ARHGAP22: variants seen among roughly 807,000 people sequenced by gnomAD.
ARHGAP22 encodes the protein rho GTPase-activating protein 22.
A neutral mutation model predicts 59.1 loss-of-function variants in ARHGAP22; 48 were observed. The ratio of observed to expected loss-of-function variants is 0.81; its 90% CI spans 0.64 to 1.03. ARHGAP22 has a LOEUF of 1.03. Ranked by LOEUF, ARHGAP22 falls within the 50% of genes least tolerant of loss-of-function variation. ARHGAP22 has a pLI of 0.00. For synonymous variants in ARHGAP22, 445 were observed against 416.4 expected (o/e 1.07, Z -0.84); for missense variants, 1,015 against 958.7 (o/e 1.06, Z -0.78).
chr10:48,626,438 C>A (rs2061451814), intron 1 of ARHGAP22, among the ~76,000 whole-genome samples: 1 of 152,188 alleles, frequency 6.6e-6, no homozygotes, highest in African/African-American at 2.4e-5. Context: ...GTGCTGAAAT[C>A]CAGTAAGCTG....
chr10:48,508,448 G>A (rs1055801903), intron 3 of ARHGAP22, among the ~76,000 whole-genome samples: 1 of 152,240 alleles, frequency 6.6e-6, no homozygotes, highest in Non-Finnish European at 1.5e-5. Context: ...TTTCCCACCC[G>A]GGAGGGGGTC....
chr10:48,648,304 A>G (rs2377595), intron 1 of ARHGAP22, among the ~76,000 whole-genome samples: 83,769 of 151,948 alleles, frequency 0.55, 23,765 homozygotes, highest in African/African-American at 0.68. Flanking sequence ...CAATTACTGC[A>G]GTCATTAAAA....
chr10:48,569,989 T>C (rs1177746713), intron 2 of ARHGAP22, among the ~76,000 whole-genome samples: 2 of 152,234 alleles, frequency 1.3e-5, no homozygotes, highest in African/African-American at 4.8e-5. Context: ...CAGGATGGTA[T>C]AAAACAAACC....
chr10:48,440,907 A>T, the ARHGAP22 span, among the ~76,000 whole-genome samples: 1 of 152,230 alleles, frequency 6.6e-6, no homozygotes, highest in Non-Finnish European at 1.5e-5. Flanking sequence ...ATGTATTGCC[A>T]TGACATAGGT....
the ARHGAP22 span, chr10:48,439,187 C>G: frequency 6.6e-6 from 1 of 151,356 alleles, no homozygotes; most frequent in Non-Finnish European, 1.5e-5. Flanking sequence ...TTCCTCTAGA[C>G]AAAACAAAAT....
intron 1 of ARHGAP22, among the ~76,000 whole-genome samples, chr10:48,633,075 C>A (rs1360644327): frequency 6.6e-6 from 1 of 152,204 alleles, no homozygotes; most frequent in Non-Finnish European, 1.5e-5. Flanking sequence ...AGAGCATGAG[C>A]TCCAGAAGGT....
At chr10:48,530,304 CTG>C (rs1294993849) in intron 3 of ARHGAP22, among the ~76,000 whole-genome samples, 2 of 140,882 alleles carry the variant, frequency 1.4e-5, no homozygotes, top group African/African-American at 5.2e-5. Flanking sequence ...AGACCTGAAA[CTG>C]TAAAAATTCT....
chr10:48,535,383 G>C (rs955297603), intron 3 of ARHGAP22, among the ~76,000 whole-genome samples: 10 of 152,196 alleles, frequency 6.6e-5, no homozygotes, highest in African/African-American at 2.2e-4. Flanking sequence ...AGGGACCCAG[G>C]CTCCTTCTAG....
At chr10:48,577,950 A>T (rs990491463) in intron 2 of ARHGAP22, among the ~76,000 whole-genome samples, 1 of 151,770 alleles carries the variant, frequency 6.6e-6, no homozygotes, top group East Asian at 1.9e-4. Context: ...CTGGGATTAC[A>T]GGCATGTGCC....
chr10:48,575,006 C>T (rs2135525943), intron 2 of ARHGAP22: 1 of 152,324 alleles, frequency 6.6e-6, no homozygotes, highest in East Asian at 1.9e-4. Context: ...GGCGGTTTCT[C>T]TTGAGTGGTT....
At chr10:48,593,576 C>T (rs138467648) in intron 1 of ARHGAP22, among the ~76,000 whole-genome samples, 146 of 152,344 alleles carry the variant, frequency 9.6e-4, no homozygotes, top group African/African-American at 3.3e-3. Context: ...GTGCATCTGA[C>T]AGCTGAGATG....
intron 9 of ARHGAP22, among the ~76,000 whole-genome samples, chr10:48,447,323 C>T (rs1388290771): frequency 3.9e-5 from 6 of 152,218 alleles, no homozygotes; most frequent in Non-Finnish European, 8.8e-5. Context: ...AGCCCAGCCC[C>T]TGGGAACATA....
intron 3 of ARHGAP22, among the ~76,000 whole-genome samples, chr10:48,495,268 A>C (rs2050799238): frequency 6.6e-6 from 1 of 152,100 alleles, no homozygotes; most frequent in Non-Finnish European, 1.5e-5. Context: ...TCTTAATTAA[A>C]ATATCCAGCT....
chr10:48,641,450 T>A (rs1473752677), intron 1 of ARHGAP22, among the ~76,000 whole-genome samples: 4 of 152,038 alleles, frequency 2.6e-5, no homozygotes, highest in Non-Finnish European at 5.9e-5. Context: ...CATACGCAAA[T>A]CAATAAATGT....
In ARHGAP22 at chr10:48,496,432, G is replaced by A. The variant is rs1163388808; in HGVS notation, c.323-16668C>T. Reference sequence around the variant, plus strand: ...ATTTTATCCTCTCCATAGCTTGTGAGATAGGTGTCATGATTCTCATTTTAC... The same window carrying A: ...ATTTTATCCTCTCCATAGCTTGTGAAATAGGTGTCATGATTCTCATTTTAC... On this transcript the variant is annotated intron_variant, in intron 3 of 9. Coordinates refer to ENST00000249601, the MANE Select transcript of ARHGAP22 (RefSeq NM_021226.4). Among the ~76,000 whole-genome samples, 5 of 152,322 alleles carry A rather than the reference G, an allele frequency of 3.3e-5. No individual in the cohort carries two copies. The East Asian group carries it at 9.6e-4, about 29-fold the overall frequency.
intron 3 of ARHGAP22, 83 bp downstream of exon 3, chr10:48,555,380 G>A (rs999018993): frequency 2.1e-6 from 2 of 969,468 alleles, no homozygotes; most frequent in Non-Finnish European, 3.0e-6. Flanking sequence ...CGGGAGGAGT[G>A]TCACGAAGGT....
intron 9 of ARHGAP22, among the ~76,000 whole-genome samples, chr10:48,449,764 A>AAGCCCTCC (rs2045713024): frequency 6.6e-6 from 1 of 151,546 alleles, no homozygotes; most frequent in African/African-American, 2.4e-5. Context: ...ATCCTGTGAC[A>AAGCCCTCC]AGGGCGGACA....
chr10:48,607,122 T>C (rs778623158), upstream of ARHGAP22, among the ~76,000 whole-genome samples: 11 of 152,090 alleles, frequency 7.2e-5, no homozygotes, highest in Non-Finnish European at 1.0e-4. Flanking sequence ...AAGCCATTTG[T>C]GAGTAATGCA....
chr10:48,605,040 T>C lies in ARHGAP22; in HGVS notation c.-244A>G. ...AATTAATTCCCATCCAAGCGGACCA[T>C]TAAAGCCTCAGTAATCACTGCTGAT... is the stretch of plus-strand genomic sequence containing the variant. On this transcript the variant is annotated 5_prime_UTR_variant, in exon 1 of 10. The change abolishes an upstream ATG in the 5' untranslated region. Transcript: ENST00000249601. 7.0e-7 allele frequency: 1 copy of C among 1,425,220 alleles called. No homozygotes were observed. The highest frequency in any genetic ancestry group is 1.5e-5 in the South Asian group (1 of 67,702). The allele number at this position is 1,425,220 out of a possible 1,614,324, so 88.3% of individuals were successfully genotyped here.
Sources: gnomAD v4.1 joint callset for allele counts (sites outside exome capture counted in the v4.1 genomes callset) on GRCh38, gnomAD v4.1.1 for gene constraint, MANE v1.5 for transcripts, NCBI Gene and HGNC (gene_info 2026-07-23, HGNC 2026-07-21) for gene names.